Variants in WT1 observed in about 807,000 individuals in gnomAD.
WT1 encodes WT1 transcription factor.
WT1 carries 8 observed loss-of-function variants against 60.8 expected under a neutral mutation model. The ratio of observed to expected loss-of-function variants is 0.13; its 90% CI spans 0.08 to 0.24. The LOEUF is 0.24. Among genes scored for constraint, WT1 ranks in the 10% least tolerant of loss-of-function variants. WT1 has a pLI of 1.00. For synonymous variants in WT1, 312 were observed against 297.1 expected (o/e 1.05, Z -0.52); for missense variants, 568 against 711.8 (o/e 0.80, Z 2.30).
chr11:32,416,017 G>A (rs780903091), intron 5 of WT1, among the ~76,000 whole-genome samples: 5 of 152,132 alleles, frequency 3.3e-5, no homozygotes, highest in Admixed American at 1.3e-4. Flanking sequence ...GGGAAGGTGC[G>A]AATGTTTGGG....
At chr11:32,411,799 T>A (rs1010254814) in intron 5 of WT1, among the ~76,000 whole-genome samples, 10 of 152,306 alleles carry the variant, frequency 6.6e-5, no homozygotes, top group Non-Finnish European at 1.3e-4. Flanking sequence ...TCTCCATCTT[T>A]ATCAAACCCT....
At chr11:32,432,277 G>A (rs1590404837) in intron 1 of WT1, among the ~76,000 whole-genome samples, 1 of 152,164 alleles carries the variant, frequency 6.6e-6, no homozygotes, top group Admixed American at 6.5e-5. Context: ...TGGCCTTGGC[G>A]CTCTGATGGC....
intron 4 of WT1, chr11:32,417,337 C>G (rs1478987699): frequency 1.9e-6 from 1 of 532,396 alleles, no homozygotes. Flanking sequence ...TCAACAAGAC[C>G]ATAATAAGTG....
At chr11:32,425,998 C>CA (rs1853022512) in intron 3 of WT1, among the ~76,000 whole-genome samples, 1 of 152,100 alleles carries the variant, frequency 6.6e-6, no homozygotes, top group African/African-American at 2.4e-5. Context: ...GCTATTAAAC[C>CA]AGTGGTAATG....
chr11:32,424,837 T>C (rs1426464428), intron 3 of WT1, among the ~76,000 whole-genome samples: 1 of 152,166 alleles, frequency 6.6e-6, no homozygotes, highest in African/African-American at 2.4e-5. Context: ...TAATGTCAGA[T>C]CTGTACCATT....
At chr11:32,403,248 T>G (rs1447103484) in intron 5 of WT1, among the ~76,000 whole-genome samples, 1 of 152,164 alleles carries the variant, frequency 6.6e-6, no homozygotes, top group Non-Finnish European at 1.5e-5. Context: ...AACCTGCAAT[T>G]CAACACTTCC....
At chr11:32,407,304 A>C (rs1270787248) in intron 5 of WT1, among the ~76,000 whole-genome samples, 1 of 152,224 alleles carries the variant, frequency 6.6e-6, no homozygotes, top group African/African-American at 2.4e-5. Context: ...TTCTTTAGAA[A>C]TGATTAACTT....
At chr11:32,419,886 G>A (rs1281465957) in intron 3 of WT1, among the ~76,000 whole-genome samples, 3 of 152,112 alleles carry the variant, frequency 2.0e-5, no homozygotes, top group African/African-American at 4.8e-5. Context: ...TAGACATGGG[G>A]TTTCACCATG....
At chr11:32,416,357 G>T in intron 5 of WT1, 133 bp downstream of exon 5, 1 of 1,104,054 alleles carries the variant, frequency 9.1e-7, no homozygotes, top group Non-Finnish European at 1.4e-6. Context: ...GGTGGGGGCG[G>T]GGGAGAGAGA....
At chr11:32,405,872 G>A (rs1393084083) in intron 5 of WT1, among the ~76,000 whole-genome samples, 1 of 152,214 alleles carries the variant, frequency 6.6e-6, no homozygotes, top group Non-Finnish European at 1.5e-5. Context: ...TTTGAGTCCA[G>A]GTCAGTGCTT....
chr11:32,415,505 G>T (rs377608396), intron 5 of WT1, among the ~76,000 whole-genome samples: 10 of 152,164 alleles, frequency 6.6e-5, no homozygotes, highest in Non-Finnish European at 1.3e-4. Context: ...AAAATTAGCC[G>T]GGCGTGGTGG....
intron 5 of WT1, among the ~76,000 whole-genome samples, chr11:32,406,544 T>C (rs1020579377): frequency 1.3e-5 from 2 of 152,032 alleles, no homozygotes; most frequent in African/African-American, 4.8e-5. Context: ...TTGGGGGCCT[T>C]TGGTATAAAG....
At chr11:32,429,793 T>A (rs1299978469) in intron 1 of WT1, among the ~76,000 whole-genome samples, 1 of 151,638 alleles carries the variant, frequency 6.6e-6, no homozygotes, top group Non-Finnish European at 1.5e-5. Flanking sequence ...TCTCCAAACT[T>A]CACAAAATTC....
At position 32,416,529 on chromosome 11, in the gene WT1, CCAG is replaced by C. The variant is rs769982733; in HGVS notation, c.974_976del (p.Ala325del). On this transcript the variant is annotated inframe_deletion, in exon 5 of 10. Transcript: ENST00000452863. ...TGTCCATTTCACTGAGCTGGAGCTC[CCAG>C]CAGCAACTCTAGAAAAGAAGAAGAG... The C allele has an allele frequency of 5.0e-6, 8 of 1,614,164 alleles. No individual in the cohort carries two copies. In the South Asian group the frequency reaches 8.8e-5, roughly 18 times the overall value.
At chr11:32,434,171 CTAAG>C (rs572688446) in intron 1 of WT1, among the ~76,000 whole-genome samples, 100 of 152,338 alleles carry the variant, frequency 6.6e-4, no homozygotes, top group African/African-American at 2.3e-3. Flanking sequence ...TAATGTGCAC[CTAAG>C]TGTGTGCCAA....
chr11:32,428,641 G>A (rs1228938089), intron 1 of WT1, 22 bp from the exon 2 acceptor site: 1 of 1,610,098 alleles, frequency 6.2e-7, no homozygotes, highest in Non-Finnish European at 8.5e-7. Flanking sequence ...GCGGAGAGAA[G>A]CACAGTGTCA....
rs1442334742 is a variant in WT1, at chr11:32,428,807, A to AAG, written c.662-189_662-188insCT. The AAG allele has an allele frequency of 3.1e-5, 26 of 826,030 alleles. No individual in the cohort carries two copies. In the African/African-American group the frequency reaches 3.9e-4, roughly 12 times the overall value. The allele number at this position is 826,030 out of a possible 1,614,324, so 51.2% of individuals were successfully genotyped here. ...AAGACGGCCCAAGTCCCTGGATGTG[A>AAG]CCTTGGGACAGGCTTCTCCATCCTT... On this transcript the variant is annotated intron_variant, in intron 1 of 9. Transcript: ENST00000452863.
chr11:32,393,028 C>T (rs979722995), intron 7 of WT1, among the ~76,000 whole-genome samples: 2 of 150,700 alleles, frequency 1.3e-5, no homozygotes, highest in Non-Finnish European at 3.0e-5. Context: ...AAAATGGGTC[C>T]AATAATCCAA....
chr11:32,403,613 C>T (rs1013613842), intron 5 of WT1, among the ~76,000 whole-genome samples: 2 of 142,650 alleles, frequency 1.4e-5, no homozygotes, highest in Non-Finnish European at 3.0e-5. Context: ...CTGGCTCTGT[C>T]GCCCAGGCTG....
Sources: allele counts gnomAD v4.1 joint callset (sites outside exome capture counted in the v4.1 genomes callset), GRCh38; gene constraint gnomAD v4.1.1; transcripts MANE v1.5; gene names NCBI Gene and HGNC (gene_info 2026-07-23, HGNC 2026-07-21).